LRIG1: variants seen among roughly 807,000 people sequenced by gnomAD.
The protein encoded by LRIG1 is leucine rich repeats and immunoglobulin like domains 1.
Under a neutral mutation model 99.2 loss-of-function variants are expected in LRIG1, and 48 were observed. The ratio of observed to expected loss-of-function variants is 0.48; its 90% confidence interval spans 0.38 to 0.62. LRIG1 has a LOEUF of 0.62. LRIG1 is among the 20% of genes least tolerant of loss of function. The probability of loss-of-function intolerance (pLI) is 0.00; values close to 1 mark genes in which losing one functional copy is unlikely to be tolerated. For synonymous variants in LRIG1, 772 were observed against 596.1 expected (o/e 1.29, Z -4.30); for missense variants, 1,646 against 1,434.4 (o/e 1.15, Z -2.38).
chr3:66,417,155 A>G lies in LRIG1; in HGVS notation c.477T>C (p.Phe159=), dbSNP rs1254189330. Residue 159 remains phenylalanine, a synonymous_variant, in exon 4 of 19, where the codon TTT becomes TTC. Coordinates refer to ENST00000273261, the MANE Select transcript of LRIG1 (RefSeq NM_015541.3). ...GCTCCTTTATAGGCGGTCCGTGTGG[A>G]AAGCAGGTGTTCCGCACTTCCGTGA... ...NNITEVRNTC[F]PHGPPIKELN... is the part of the protein sequence containing the mutation. 4 of 1,614,058 alleles carry G rather than the reference A, an allele frequency of 2.5e-6. No individual in the cohort carries two copies. The African/African-American group carries it at 5.3e-5, about 22-fold the overall frequency.
intron 4 of LRIG1, 69 bp from the exon 5 acceptor site, chr3:66,415,132 G>C: frequency 3.4e-6 from 5 of 1,477,278 alleles, no homozygotes; most frequent in Non-Finnish European, 4.5e-6. Context: ...ATAGACACCA[G>C]ACCTCTCTGG....
At chr3:66,451,457 C>G (rs188920300) in intron 3 of LRIG1, 102 bp downstream of exon 3, 2 of 872,744 alleles carry the variant, frequency 2.3e-6, no homozygotes, top group African/African-American at 3.4e-5. Context: ...TCTTCACCAG[C>G]GAGCACATGA....
At chr3:66,484,359 C>T (rs1700921102) in intron 1 of LRIG1, among the ~76,000 whole-genome samples, 1 of 152,146 alleles carries the variant, frequency 6.6e-6, no homozygotes, top group Non-Finnish European at 1.5e-5. Flanking sequence ...GGAAACAAAG[C>T]CAGTCACTGC....
rs1387017797 is a variant in LRIG1 at position 66,404,196 on chromosome 3, A to G, written c.1160+1002T>C. On this transcript the variant is annotated intron_variant, in intron 9 of 18. Transcript: ENST00000273261. ...TGCAAAAAGCCACGCTTTTCAAAAC[A>G]AATCAGAAGCATCTACTATATAAAA... The G allele has an allele frequency of 5.6e-6, 7 of 1,260,854 alleles. No homozygotes were observed. The East Asian group carries it at 2.8e-4, about 50-fold the overall frequency. 78.1% of individuals were successfully genotyped at this position (1,260,854 alleles called of 1,614,324 possible). A position where few individuals can be genotyped will look rare whatever the true frequency, so the allele number is the denominator to read the frequency against.
intron 12 of LRIG1, among the ~76,000 whole-genome samples, chr3:66,391,749 G>T (rs1466533202): frequency 6.6e-6 from 1 of 151,990 alleles, no homozygotes; most frequent in East Asian, 1.9e-4. Context: ...ATTTTAAAGG[G>T]GTAAATTTTT....
At chr3:66,493,292 C>T (rs975219344) in intron 1 of LRIG1, among the ~76,000 whole-genome samples, 9 of 152,218 alleles carry the variant, frequency 5.9e-5, no homozygotes, top group Non-Finnish European at 8.8e-5. Flanking sequence ...GGGCCTCTCA[C>T]TTCCCTGCCA....
intron 9 of LRIG1, chr3:66,404,179 G>A (rs1160854145): frequency 7.5e-6 from 9 of 1,197,704 alleles, no homozygotes; most frequent in Non-Finnish European, 8.8e-6. Context: ...GGTGCAAAAA[G>A]CCACGCTTTT....
chr3:66,407,377 G>A lies in LRIG1; in HGVS notation c.1050C>T (p.Ala350=), dbSNP rs746086043. 3.1e-6 allele frequency: 5 copies of A among 1,614,004 alleles called. No individual in the cohort carries two copies. Among genetic ancestry groups the A allele is most frequent in the Admixed American group, 3.3e-5 (2 of 59,996 alleles). ...CTCGCAGGCTCCTGAGTCCCTTGAAGGCACCCTCCGCAATGTGGCTGATGG... is the reference window on the plus strand; with the variant it reads ...CTCGCAGGCTCCTGAGTCCCTTGAAAGCACCCTCCGCAATGTGGCTGATGG... The part of the protein sequence containing the change: ...HNSISHIAEG[A]FKGLRSLRVL... The change falls in exon 8 of 19, where the codon GCC becomes GCT. Residue 350 remains alanine (A), a synonymous_variant. Coordinates refer to ENST00000273261, the MANE Select transcript of LRIG1 (RefSeq NM_015541.3).
chr3:66,395,876 G>T (rs376879797), intron 11 of LRIG1, among the ~76,000 whole-genome samples: 45 of 152,360 alleles, frequency 3.0e-4, no homozygotes, highest in African/African-American at 9.1e-4. Flanking sequence ...CAGCAAGAGG[G>T]CACTTCCGTG....
Position 66,380,643 on chromosome 3 carries a change from G to T in LRIG1, c.2989C>A (p.Pro997Thr), listed in dbSNP as rs770459338. 5.0e-6 allele frequency: 8 copies of T among 1,614,048 alleles called. No homozygotes were observed. Among genetic ancestry groups the T allele is most frequent in the Non-Finnish European group, 6.8e-6 (8 of 1,180,044 alleles). ...SCPECQGSLYPSNHDRMLTAV... is the reference protein window; with the variant it reads ...SCPECQGSLYTSNHDRMLTAV... ...GTCAGCATTCTATCGTGGTTACTGG[G>T]GTAGAGCGACCCTTGGCACTCGGGG... Residue 997 changes from proline (P) to threonine (T), a missense_variant, in exon 18 of 19, where the codon CCC (proline) becomes ACC (threonine). Physicochemically the swap from Pro to Thr is conservative, Grantham distance 38 (BLOSUM62 -1). Coordinates refer to ENST00000273261, the MANE Select transcript of LRIG1 (RefSeq NM_015541.3).
chr3:66,471,050 G>T (rs965174133), intron 1 of LRIG1, among the ~76,000 whole-genome samples: 2 of 152,140 alleles, frequency 1.3e-5, no homozygotes, highest in Non-Finnish European at 2.9e-5. Context: ...TGCAGTTGGT[G>T]GGGACTTTAC....
intron 5 of LRIG1, among the ~76,000 whole-genome samples, chr3:66,413,610 C>A (rs1025659944): frequency 6.6e-6 from 1 of 152,200 alleles, no homozygotes; most frequent in Non-Finnish European, 1.5e-5. Context: ...TATGACAAAG[C>A]CTCAGTTCAC....
At chr3:66,384,359 G>T (rs1701258702) in intron 13 of LRIG1, 87 bp from the exon 14 acceptor site, 2 of 1,366,392 alleles carry the variant, frequency 1.5e-6, no homozygotes, top group Non-Finnish European at 2.0e-6. Flanking sequence ...ACCTGTCACT[G>T]TGCCCAGTGC....
chr3:66,458,987 C>A (rs573735604), intron 2 of LRIG1, among the ~76,000 whole-genome samples: 1 of 144,670 alleles, frequency 6.9e-6, no homozygotes, highest in South Asian at 2.2e-4. Context: ...GCACTCCAGC[C>A]TGGGAGATAA....
Position 66,412,860 on chromosome 3 carries a change from T to C in LRIG1, c.791+11A>G, listed in dbSNP as rs1420312771. 3 of 1,613,850 alleles carry C rather than the reference T, an allele frequency of 1.9e-6. No homozygotes were observed. In the East Asian group the frequency reaches 6.7e-5, roughly 36 times the overall value. ...ATCCTTAGCAATGCCAGTAACCTGGTCCGCACTTACAGCACATGCATCTTG... is the reference window on the plus strand; with the variant it reads ...ATCCTTAGCAATGCCAGTAACCTGGCCCGCACTTACAGCACATGCATCTTG... On this transcript the variant is annotated intron_variant, in intron 6 of 18. Transcript: ENST00000273261.
intron 12 of LRIG1, among the ~76,000 whole-genome samples, chr3:66,388,740 A>C (rs1282985224): frequency 6.6e-6 from 1 of 152,222 alleles, no homozygotes; most frequent in Non-Finnish European, 1.5e-5. Context: ...TATGAATTCT[A>C]TGTATTAAAA....
intron 1 of LRIG1, among the ~76,000 whole-genome samples, chr3:66,494,336 C>T (rs757899354): frequency 1.3e-5 from 2 of 152,274 alleles, no homozygotes; most frequent in African/African-American, 2.4e-5. Flanking sequence ...TCCTTAATGA[C>T]GAGTGTGAGT....
At chr3:66,409,913 C>A (rs13087232) in intron 7 of LRIG1, 102,457 of 486,522 alleles carry the variant, frequency 0.21, 11,786 homozygotes, top group Admixed American at 0.29. Context: ...CCCTGCTAAT[C>A]CAAATGCAGA....
At chr3:66,451,323 A>G in intron 3 of LRIG1, among the ~76,000 whole-genome samples, 1 of 151,568 alleles carries the variant, frequency 6.6e-6, no homozygotes, top group Non-Finnish European at 1.5e-5. Context: ...AAAAAAAAAG[A>G]CAAAAGACCT....
Sources: allele counts gnomAD v4.1 joint callset (sites outside exome capture counted in the v4.1 genomes callset), GRCh38; gene constraint gnomAD v4.1.1; transcripts MANE v1.5; gene names NCBI Gene and HGNC (gene_info 2026-07-23, HGNC 2026-07-21).